The following CSTF3 variants were observed in gnomAD, a reference collection of about 807,000 sequenced individuals.
CSTF3 encodes the protein cleavage stimulation factor subunit 3.
CSTF3 carries 29 observed loss-of-function variants against 105.8 expected under a neutral mutation model. That is an observed-to-expected ratio of 0.27 (90% confidence interval 0.20 to 0.37). The LOEUF is 0.37. CSTF3 is among the 10% of genes least tolerant of loss of function. The pLI is 1.00. For missense variants in CSTF3, 357 were observed against 879.3 expected (o/e 0.41, Z 7.51); for synonymous variants, 252 against 281.9 (o/e 0.89, Z 1.06).
At chr11:33,144,511 G>T (rs1379803542) in intron 1 of CSTF3, among the ~76,000 whole-genome samples, 1 of 152,102 alleles carries the variant, frequency 6.6e-6, no homozygotes, top group Admixed American at 6.5e-5. Flanking sequence ...TCAGAATGGT[G>T]AATTTTTCAA....
Position 33,085,734 on chromosome 11 carries a change from G to T in CSTF3, c.1930C>A (p.Arg644=). The T allele has an allele frequency of 6.2e-7, 1 of 1,613,510 alleles. No individual in the cohort carries two copies. The highest frequency in any genetic ancestry group is 8.5e-7 in the Non-Finnish European group (1 of 1,179,618). ...TTACTATTTGGTATCTTGCATCTTC[G>T]GAAAATTTCCATCAGTTCATCCACT... ...VQVDELMEIF[R]RCKIPNTVEE... is the part of the protein sequence containing the mutation. Residue 644 remains arginine, a synonymous_variant, in exon 20 of 21, where the codon CGA becomes AGA. Coordinates refer to ENST00000323959, the MANE Select transcript of CSTF3 (RefSeq NM_001326.3).
Position 33,085,109 on chromosome 11 carries a change from C to G in CSTF3, c.2132G>C (p.Arg711Pro). Residue 711 changes from arginine to proline, a missense_variant, in exon 21 of 21, where the codon CGG becomes CCG. Arg to Pro is a moderately radical substitution (Grantham distance 103). Around this residue, in one of 4 missense-constraint regions of CSTF3, gnomAD observed 73 missense variants for 105.8 expected, o/e 0.69. Transcript: ENST00000323959. ...VPPVHDIYRARQQKRIR is the reference protein window; with the variant it reads ...VPPVHDIYRAPQQKRIR ...ACCCTACCGAATCCGCTTCTGCTGC[C>G]GTGCTCTGTAAATGTCATGAACAGG... 6.2e-7 allele frequency: 1 copy of G among 1,614,152 alleles called. No individual in the cohort carries two copies. Among genetic ancestry groups the G allele is most frequent in the Non-Finnish European group, 8.5e-7 (1 of 1,180,034 alleles).
At chr11:33,149,555 G>C (rs1855830849) in intron 1 of CSTF3, among the ~76,000 whole-genome samples, 1 of 152,166 alleles carries the variant, frequency 6.6e-6, no homozygotes, top group Admixed American at 6.5e-5. Context: ...GCCTCCATAA[G>C]GAATGAAGTT....
intron 10 of CSTF3, among the ~76,000 whole-genome samples, chr11:33,100,354 CAAAAA>C (rs71034652): frequency 1.6e-5 from 2 of 127,044 alleles, no homozygotes; most frequent in Non-Finnish European, 3.3e-5. Context: ...GACTCCATCT[CAAAAA>C]AAAAAAAAAA....
chr11:33,159,586 G>A, intron 1 of CSTF3, among the ~76,000 whole-genome samples: 1 of 97,378 alleles, frequency 1.0e-5, no homozygotes, highest in Non-Finnish European at 1.8e-5. Context: ...ACAGAGCAAG[G>A]CTCCATCTCA....
chr11:33,129,568 C>CCGT (rs1855577688), intron 3 of CSTF3, among the ~76,000 whole-genome samples: 2 of 152,090 alleles, frequency 1.3e-5, no homozygotes, highest in Non-Finnish European at 2.9e-5. Flanking sequence ...TGACTATAAT[C>CCGT]CAGGCAAATA....
chr11:33,160,001 T>G (rs1849918803), intron 1 of CSTF3, among the ~76,000 whole-genome samples: 2 of 152,088 alleles, frequency 1.3e-5, no homozygotes, highest in Non-Finnish European at 1.5e-5. Context: ...TGGTAACATT[T>G]CCGTGTCTTT....
chr11:33,089,546 T>A (rs887366694), intron 17 of CSTF3, among the ~76,000 whole-genome samples: 1 of 152,234 alleles, frequency 6.6e-6, no homozygotes, highest in African/African-American at 2.4e-5. Flanking sequence ...TGACTTTTCA[T>A]TGAGAAGTAG....
chr11:33,155,348 T>C (rs1849849280), intron 1 of CSTF3, among the ~76,000 whole-genome samples: 1 of 147,706 alleles, frequency 6.8e-6, no homozygotes, highest in East Asian at 2.0e-4. Flanking sequence ...TGGGCGAAAG[T>C]GCAAGACTCT....
chr11:33,134,880 C>T (rs769402721), intron 3 of CSTF3, among the ~76,000 whole-genome samples: 2 of 152,098 alleles, frequency 1.3e-5, no homozygotes, highest in Admixed American at 6.5e-5. Context: ...CATTCCCCAC[C>T]ACCCAGAAGA....
At chr11:33,126,371 C>T (rs113462593) in intron 3 of CSTF3, among the ~76,000 whole-genome samples, 34 of 151,412 alleles carry the variant, frequency 2.2e-4, no homozygotes, top group African/African-American at 6.6e-4. Flanking sequence ...TCAGCCCACA[C>T]GGTGGAGGTT....
chr11:33,152,179 G>A lies in CSTF3; in HGVS notation c.27+9120C>T, dbSNP rs529931629. On this transcript the variant is annotated intron_variant, in intron 1 of 20. Transcript: ENST00000323959. Reference sequence around the variant, plus strand: ...CTAAGGTGGGAGGATCCCTTGAGCCGGCGGGGAGGGGCAGAGGTTCCACTG... The same window carrying A: ...CTAAGGTGGGAGGATCCCTTGAGCCAGCGGGGAGGGGCAGAGGTTCCACTG... 7.9e-5 allele frequency among the ~76,000 whole-genome samples: 12 copies of A among 152,286 alleles called. No homozygotes were observed. The South Asian group carries it at 1.0e-3, about 13-fold the overall frequency.
In CSTF3 at chr11:33,143,037, G is replaced by A. The variant is rs116159445; in HGVS notation, c.28-1051C>T. 1.0e-3 allele frequency among the ~76,000 whole-genome samples: 154 copies of A among 152,216 alleles called. 1 individual carries two copies. The highest frequency in any genetic ancestry group is 3.4e-3 in the African/African-American group (143 of 41,548). On this transcript the variant is annotated intron_variant, in intron 1 of 20. Coordinates refer to ENST00000323959, the MANE Select transcript of CSTF3 (RefSeq NM_001326.3). ...TCCTGGACCAACTTTGAGAAACACT[G>A]CTGTTAAAGCATTCATCCTGCGCCA...
intron 1 of CSTF3, among the ~76,000 whole-genome samples, chr11:33,158,994 A>G (rs1276539644): frequency 6.6e-6 from 1 of 152,210 alleles, no homozygotes; most frequent in African/African-American, 2.4e-5. Context: ...GGTTAAAAAA[A>G]AAATCACATT....
In CSTF3 at chr11:33,139,689, C is replaced by CAT. The variant is rs1855689606; in HGVS notation, c.225+1976_225+1977dup. On this transcript the variant is annotated intron_variant, in intron 3 of 20. Transcript: ENST00000323959. ...AAAAATATAAATTTTAAAAAATATACATATATATTATTTACCATTTGTTCT... is the reference window on the plus strand; with the variant it reads ...AAAAATATAAATTTTAAAAAATATACATATATATATTATTTACCATTTGTTCT... 3.3e-5 allele frequency among the ~76,000 whole-genome samples: 5 copies of CAT among 151,896 alleles called. No individual in the cohort carries two copies. In the South Asian group the frequency reaches 1.0e-3, roughly 32 times the overall value.
intron 1 of CSTF3, among the ~76,000 whole-genome samples, chr11:33,160,047 T>C (rs1160791705): frequency 6.6e-6 from 1 of 151,972 alleles, no homozygotes; most frequent in Non-Finnish European, 1.5e-5. Flanking sequence ...TAACAATGAA[T>C]TTCGAAAACT....
intron 1 of CSTF3, among the ~76,000 whole-genome samples, chr11:33,145,253 T>C (rs1340524547): frequency 6.6e-6 from 1 of 151,582 alleles, no homozygotes; most frequent in African/African-American, 2.4e-5. Context: ...CTCAGCAATA[T>C]GGCGAAACCC....
At chr11:33,104,736 G>C (rs1835268769) in intron 8 of CSTF3, among the ~76,000 whole-genome samples, 3 of 152,214 alleles carry the variant, frequency 2.0e-5, no homozygotes, top group Admixed American at 2.0e-4. Flanking sequence ...CTGCATTCCA[G>C]CCTCGGTGAC....
intron 16 of CSTF3, among the ~76,000 whole-genome samples, chr11:33,091,870 C>T (rs1855173342): frequency 6.6e-6 from 1 of 152,102 alleles, no homozygotes; most frequent in Non-Finnish European, 1.5e-5. Context: ...TGCACCACCA[C>T]ACCCAGCTAA....
Sources: allele counts gnomAD v4.1 joint callset (sites outside exome capture counted in the v4.1 genomes callset), GRCh38; gene constraint gnomAD v4.1.1; regional missense constraint gnomAD v4.1.1; transcripts MANE v1.5; gene names NCBI Gene and HGNC (gene_info 2026-07-23, HGNC 2026-07-21).